P3H2: variants seen among roughly 807,000 people sequenced by gnomAD.
P3H2 encodes the protein prolyl 3-hydroxylase 2, also known as leprecan-like 1.
Under a neutral mutation model 87.0 loss-of-function variants are expected in P3H2, and 80 were observed. That is an observed-to-expected ratio of 0.92 (90% CI 0.77 to 1.11). P3H2 has a LOEUF of 1.11. Among genes scored for constraint, P3H2 ranks in the 50% least tolerant of loss-of-function variants. The pLI is 0.00. For synonymous variants in P3H2, 367 were observed against 359.3 expected, an observed-to-expected ratio of 1.02 and a Z score of -0.24; for missense variants, 1,001 against 923.9, an observed-to-expected ratio of 1.08 and a Z score of -1.08.
At chr3:190,072,800 T>A (rs1372354937) in intron 1 of P3H2, among the ~76,000 whole-genome samples, 2 of 152,228 alleles carry the variant, frequency 1.3e-5, no homozygotes, top group African/African-American at 4.8e-5. Flanking sequence ...GTGGCATATG[T>A]GCATTTCAAA....
chr3:190,057,094 G>A (rs1332178828), intron 1 of P3H2, among the ~76,000 whole-genome samples: 1 of 152,160 alleles, frequency 6.6e-6, no homozygotes, highest in African/African-American at 2.4e-5. Flanking sequence ...GACTTGAAAA[G>A]GGGATGTCTG....
Position 190,020,597 on chromosome 3 carries a change from T to A in P3H2, c.481-25155A>T, listed in dbSNP as rs576578954. ...TAAAAGTCAGAGCTTTCCCCTTTCA[T>A]GAAAGTCTCCTATGTCTCATCAGTG... On this transcript the variant is annotated intron_variant, in intron 1 of 14. Coordinates refer to ENST00000319332, the MANE Select transcript of P3H2 (RefSeq NM_018192.4). Among the ~76,000 whole-genome samples, 3 of 133,900 alleles carry A rather than the reference T, an allele frequency of 2.2e-5. No homozygotes were observed. The South Asian group carries it at 8.1e-4, about 36-fold the overall frequency. The allele number at this position is 133,900 out of a possible 152,430, so 87.8% of individuals were successfully genotyped here.
chr3:190,065,792 A>C (rs1013576128), intron 1 of P3H2, among the ~76,000 whole-genome samples: 1 of 152,050 alleles, frequency 6.6e-6, no homozygotes, highest in Non-Finnish European at 1.5e-5. Flanking sequence ...CCCTCCAATA[A>C]TCTATAATTT....
rs185625426 is a variant in P3H2 at position 189,959,822 on chromosome 3, T to C, written c.2035-1818A>G. On this transcript the variant is annotated intron_variant, in intron 14 of 14. Transcript: ENST00000319332. ...CAAGACCACATGTTAGCTAAAGTAA[T>C]CTTCTGTATCCTGTAACTCTCCAGG... is the stretch of plus-strand genomic sequence containing the variant. Among the ~76,000 whole-genome samples, 350 of 151,802 alleles carry C rather than the reference T, an allele frequency of 2.3e-3. 1 individual carries two copies. Among genetic ancestry groups the C allele is most frequent in the African/African-American group, 7.9e-3 (328 of 41,338 alleles).
chr3:190,007,061 G>A (rs1329940345), intron 1 of P3H2, among the ~76,000 whole-genome samples: 1 of 152,196 alleles, frequency 6.6e-6, no homozygotes, highest in East Asian at 1.9e-4. Flanking sequence ...ACTAAAATAC[G>A]TGAGGTAAAA....
chr3:189,983,932 G>A (rs1045514390), intron 7 of P3H2, among the ~76,000 whole-genome samples: 15 of 151,898 alleles, frequency 9.9e-5, no homozygotes, highest in Non-Finnish European at 2.1e-4. Context: ...GAGCTTTCTT[G>A]GGGGAAGGGG....
chr3:190,120,879 G>C lies in P3H2; in HGVS notation c.-148C>G, dbSNP rs752369526. On this transcript the variant is annotated 5_prime_UTR_variant, in exon 1 of 15. Transcript: ENST00000319332. ...CCGCGAGCCCCAGGTGACCGCCGGC[G>C]CTCCGCGTACTGAGAGGCGGAGGCC... 39 of 1,299,824 alleles carry C rather than the reference G, an allele frequency of 3.0e-5. No homozygotes were observed. Among genetic ancestry groups the C allele is most frequent in the Non-Finnish European group, 3.9e-5 (39 of 992,796 alleles). 80.5% of individuals were successfully genotyped at this position (1,299,824 alleles called of 1,614,324 possible). A position where few individuals can be genotyped will look rare whatever the true frequency, so the allele number is the denominator to read the frequency against.
chr3:189,957,669 C>T lies in P3H2; in HGVS notation c.*243G>A. On this transcript the variant is annotated 3_prime_UTR_variant, in exon 15 of 15. Transcript: ENST00000319332. ...CTGTGAATAGCCACTGCCCTATATC[C>T]TAGACAACATGGTTAGACCATGTCT... 1 of 546,116 alleles carries T rather than the reference C, an allele frequency of 1.8e-6. No individual in the cohort carries two copies. The highest frequency in any genetic ancestry group is 3.3e-6 in the Non-Finnish European group (1 of 307,032). The allele number at this position is 546,116 out of a possible 1,614,324, so 33.8% of individuals were successfully genotyped here.
intron 1 of P3H2, among the ~76,000 whole-genome samples, chr3:190,108,244 T>C (rs1045364769): frequency 3.3e-5 from 5 of 152,122 alleles, no homozygotes; most frequent in Admixed American, 1.3e-4. Flanking sequence ...CTCAAACTCC[T>C]GGGCTCAAGT....
At chr3:190,090,564 A>T (rs7610843) in intron 1 of P3H2, among the ~76,000 whole-genome samples, 4,052 of 152,144 alleles carry the variant, frequency 0.027, 76 homozygotes, top group African/African-American at 0.043. Context: ...TTAGCTGGGC[A>T]TGGTGGCGGG....
At position 189,957,724 on chromosome 3, in the gene P3H2, G is replaced by GAGAGAGAA. The variant is rs1722681907; in HGVS notation, c.*187_*188insTTCTCTCT. On this transcript the variant is annotated 3_prime_UTR_variant, in exon 15 of 15. Coordinates refer to ENST00000319332, the MANE Select transcript of P3H2 (RefSeq NM_018192.4). ...GAAGAGAGAGAGAGAGAGAGAGAGAGAAAACAACCCAAAACAAGAAAGATA... is the reference window on the plus strand; with the variant it reads ...GAAGAGAGAGAGAGAGAGAGAGAGAGAGAGAGAAAAAACAACCCAAAACAAGAAAGATA... 8 of 604,264 alleles carry GAGAGAGAA rather than the reference G, an allele frequency of 1.3e-5. No homozygotes were observed. The highest frequency in any genetic ancestry group is 2.8e-5 in the East Asian group (1 of 35,348). The allele number at this position is 604,264 out of a possible 1,614,324, so 37.4% of individuals were successfully genotyped here.
In P3H2 at chr3:189,981,493, A is replaced by T. The variant is rs200162435; in HGVS notation, c.1324+1553T>A. Among the ~76,000 whole-genome samples, 103 of 151,178 alleles carry T rather than the reference A, an allele frequency of 6.8e-4. No homozygotes were observed. In the East Asian group the frequency reaches 9.9e-3, roughly 15 times the overall value. ...ATGAGAGTACGGTAGGTAAAAAAAA[A>T]TTTTTTTTTTCCTTCAGACCAGTAG... On this transcript the variant is annotated intron_variant, in intron 8 of 14. Transcript: ENST00000319332.
intron 1 of P3H2, among the ~76,000 whole-genome samples, chr3:190,055,774 T>G (rs1726134278): frequency 6.6e-6 from 1 of 152,196 alleles, no homozygotes; most frequent in East Asian, 1.9e-4. Flanking sequence ...CTCTTCTGAT[T>G]TATATTTTTA....
At chr3:190,062,474 C>G (rs1475003257) in intron 1 of P3H2, among the ~76,000 whole-genome samples, 1 of 152,118 alleles carries the variant, frequency 6.6e-6, no homozygotes, top group African/African-American at 2.4e-5. Flanking sequence ...TAAGAACTAG[C>G]TCTAATAACT....
At chr3:190,023,035 C>T (rs868096487) in intron 1 of P3H2, among the ~76,000 whole-genome samples, 3 of 151,426 alleles carry the variant, frequency 2.0e-5, no homozygotes, top group African/African-American at 7.3e-5. Flanking sequence ...ACCGTGTTAG[C>T]CAGGATGGTC....
chr3:190,080,650 C>A (rs1310818691), intron 1 of P3H2, among the ~76,000 whole-genome samples: 1 of 152,120 alleles, frequency 6.6e-6, no homozygotes, highest in Non-Finnish European at 1.5e-5. Context: ...GATCCTCCTG[C>A]CTCGGCCTCC....
chr3:190,033,113 G>A (rs571748834), intron 1 of P3H2, among the ~76,000 whole-genome samples: 2 of 152,072 alleles, frequency 1.3e-5, no homozygotes, highest in East Asian at 1.9e-4. Context: ...AATAGCGCTC[G>A]CGCTCCTAAG....
intron 6 of P3H2, among the ~76,000 whole-genome samples, 180 bp downstream of exon 6, chr3:189,986,608 A>G (rs780430337): frequency 1.3e-5 from 2 of 152,146 alleles, no homozygotes; most frequent in Non-Finnish European, 2.9e-5. Flanking sequence ...TAAATAAATA[A>G]ATAGATAAAG....
intron 1 of P3H2, among the ~76,000 whole-genome samples, chr3:190,098,040 T>TA (rs1434804342): frequency 5.9e-5 from 9 of 152,132 alleles, no homozygotes; most frequent in Non-Finnish European, 5.9e-5. Context: ...TGGTGAAAAA[T>TA]AAAAAAACAT....
Sources: gnomAD v4.1 joint callset for allele counts (sites outside exome capture counted in the v4.1 genomes callset) on GRCh38, gnomAD v4.1.1 for gene constraint, MANE v1.5 for transcripts, NCBI Gene and HGNC (gene_info 2026-07-23, HGNC 2026-07-21) for gene names.